The following TUBGCP4 variants were observed in gnomAD, a reference collection of about 807,000 sequenced individuals.
TUBGCP4 encodes tubulin gamma complex component 4.
Under a neutral mutation model 91.6 loss-of-function variants are expected in TUBGCP4, and 54 were observed. That is an observed-to-expected ratio of 0.59 (90% CI 0.47 to 0.74). The LOEUF (loss-of-function observed/expected upper bound fraction) is 0.74, where lower values mean the gene tolerates loss of function less well. TUBGCP4 is among the 30% of genes least tolerant of loss of function. TUBGCP4 has a pLI of 0.00. For missense variants in TUBGCP4, 593 were observed against 800.9 expected (o/e 0.74, Z 3.13); for synonymous variants, 297 against 302.8 (o/e 0.98, Z 0.20).
At position 43,376,572 on chromosome 15, in the gene TUBGCP4, CTGGA is replaced by C; in HGVS notation, c.279_282del (p.Asp94LeufsTer32). On this transcript the variant is annotated frameshift_variant, in exon 3 of 18. Coordinates refer to ENST00000564079, the MANE Select transcript of TUBGCP4 (RefSeq NM_014444.5). LOFTEE classifies it high-confidence loss of function. ...CTACCTGCGGGCCTTCTGCACAGGG[CTGGA>C]TTCTGTTTTGCAGCCTTATCGCCAA... 6.2e-7 allele frequency: 1 copy of C among 1,614,180 alleles called. No individual in the cohort carries two copies. The highest frequency in any genetic ancestry group is 8.5e-7 in the Non-Finnish European group (1 of 1,180,038).
chr15:43,401,826 T>C lies in TUBGCP4; in HGVS notation c.1707T>C (p.Ala569=). ...ACCACTTCCTGAGCAATTTGCTGGC[T>C]CAATCCTTTATCCTATTGAAACCTG... ...AHDHFLSNLL[A]QSFILLKPVF... is the part of the protein sequence containing the mutation. The change falls in exon 15 of 18, where the codon GCT becomes GCC. Residue 569 remains alanine (A), a synonymous_variant. Coordinates refer to ENST00000564079, the MANE Select transcript of TUBGCP4 (RefSeq NM_014444.5). 6.2e-7 allele frequency: 1 copy of C among 1,614,180 alleles called. No individual in the cohort carries two copies. Among genetic ancestry groups the C allele is most frequent in the Non-Finnish European group, 8.5e-7 (1 of 1,180,014 alleles).
chr15:43,395,753 C>A, intron 11 of TUBGCP4, 65 bp downstream of exon 11: 1 of 1,400,720 alleles, frequency 7.1e-7, no homozygotes, highest in Non-Finnish European at 1.0e-6. Flanking sequence ...TTGGCTGCTG[C>A]TGACCCTTTT....
chr15:43,401,248 C>T (rs541405434), intron 14 of TUBGCP4, among the ~76,000 whole-genome samples: 10 of 151,148 alleles, frequency 6.6e-5, no homozygotes, highest in African/African-American at 9.7e-5. Flanking sequence ...GTCAGGAGTT[C>T]GAGACCAACC....
chr15:43,385,763 T>C (rs2044346591), intron 7 of TUBGCP4, 28 bp from the exon 8 acceptor site: 1 of 1,612,532 alleles, frequency 6.2e-7, no homozygotes, highest in African/African-American at 1.3e-5. Flanking sequence ...TCACACTGCA[T>C]CTCGATGTGT....
In TUBGCP4 at chr15:43,400,153, G is replaced by A. The variant is rs779715542; in HGVS notation, c.1528G>A (p.Asp510Asn). ...CAAGCACCTCAAGTCGAACCAGACT[G>A]ATGCAATCAAGTGGCGCCTAAGAAA... ...QRKHLKSNQT[D>N]AIKWRLRNHM... Residue 510 changes from aspartate (D) to asparagine (N), a missense_variant, in exon 14 of 18, where the codon GAT becomes AAT. Coordinates refer to ENST00000564079, the MANE Select transcript of TUBGCP4 (RefSeq NM_014444.5). 1 of 1,614,206 alleles carries A rather than the reference G, an allele frequency of 6.2e-7. No individual in the cohort carries two copies. The highest frequency in any genetic ancestry group is 1.1e-5 in the South Asian group (1 of 91,086).
In TUBGCP4 at chr15:43,395,099, T is replaced by A. The variant is rs772596531; in HGVS notation, c.1015-8T>A. On this transcript the variant is annotated splice_polypyrimidine_tract_variant and splice_region_variant and intron_variant, in intron 9 of 17. Coordinates refer to ENST00000564079, the MANE Select transcript of TUBGCP4 (RefSeq NM_014444.5). The stretch of plus-strand genomic sequence containing the variant: ...AATTTGTCCCTGTTTTGTTGGTTGT[T>A]TTCATAGCATCTCTGGAAGTTGATG... The A allele has an allele frequency of 1.9e-6, 3 of 1,614,170 alleles. No homozygotes were observed. The highest frequency in any genetic ancestry group is 2.5e-6 in the Non-Finnish European group (3 of 1,180,018).
At position 43,407,267 on chromosome 15, in the gene TUBGCP4, A is replaced by AAAACT; in HGVS notation, c.*2055_*2059dup. The AAAACT allele has an allele frequency of 1.2e-6, 1 of 837,020 alleles. No individual in the cohort carries two copies. Among genetic ancestry groups the AAAACT allele is most frequent in the Non-Finnish European group, 1.9e-6 (1 of 533,458 alleles). 51.8% of individuals were successfully genotyped at this position (837,020 alleles called of 1,614,324 possible). ...ATTTTATCATAAAAGTTCAGCAAAT[A>AAAACT]AAACTATATACAAGATCCATGCAAG... On this transcript the variant is annotated 3_prime_UTR_variant, in exon 18 of 18. Transcript: ENST00000564079.
chr15:43,383,549 G>A, intron 7 of TUBGCP4, 45 bp downstream of exon 7: 3 of 1,508,130 alleles, frequency 2.0e-6, no homozygotes, highest in East Asian at 2.3e-5. Flanking sequence ...CCAGGAGTCA[G>A]AAAAGCATGC....
At chr15:43,397,482 GTC>G (rs2044601699) in intron 12 of TUBGCP4, among the ~76,000 whole-genome samples, 161 bp downstream of exon 12, 1 of 152,144 alleles carries the variant, frequency 6.6e-6, no homozygotes, top group Admixed American at 6.5e-5. Context: ...AAGTCCAGAA[GTC>G]CAGAGAGGCT....
intron 9 of TUBGCP4, among the ~76,000 whole-genome samples, chr15:43,388,852 G>A (rs1370405815): frequency 6.6e-6 from 1 of 152,154 alleles, no homozygotes; most frequent in Non-Finnish European, 1.5e-5. Context: ...AAAGGGGGGA[G>A]TGTTTTGTAA....
intron 10 of TUBGCP4, 25 bp downstream of exon 10, chr15:43,395,182 T>G: frequency 6.2e-7 from 1 of 1,613,496 alleles, no homozygotes; most frequent in South Asian, 1.1e-5. Flanking sequence ...GTTGTAATTC[T>G]TACGGTGATG....
chr15:43,403,812 GGAAGTATGCA>G lies in TUBGCP4; in HGVS notation c.1848+15_1848+24del. 6.3e-7 allele frequency: 1 copy of G among 1,595,440 alleles called. No homozygotes were observed. The highest frequency in any genetic ancestry group is 1.1e-5 in the South Asian group (1 of 90,694). On this transcript the variant is annotated intron_variant, in intron 16 of 17. Transcript: ENST00000564079. Reference sequence around the variant, plus strand: ...CATTCTCGTGAAGGTGCGTCTGCCTGGAAGTATGCAGCCTTGCCGAAAGGACAGAGGTGGT... The same window carrying G: ...CATTCTCGTGAAGGTGCGTCTGCCTGGCCTTGCCGAAAGGACAGAGGTGGT...
Position 43,379,769 on chromosome 15 carries a change from C to T in TUBGCP4, c.442-315C>T, listed in dbSNP as rs530817944. Among the ~76,000 whole-genome samples, 4 of 152,074 alleles carry T rather than the reference C, an allele frequency of 2.6e-5. No individual in the cohort carries two copies. The South Asian group carries it at 6.2e-4, about 24-fold the overall frequency. On this transcript the variant is annotated intron_variant, in intron 5 of 17. Transcript: ENST00000564079. ...AAAAGCTTTCCTTGGCTTTGGTGTT[C>T]CAACTCTAAATGATTCTGGTTGCTT...
chr15:43,395,575 T>C lies in TUBGCP4; in HGVS notation c.1066-8T>C. 6.2e-7 allele frequency: 1 copy of C among 1,609,064 alleles called. No homozygotes were observed. Among genetic ancestry groups the C allele is most frequent in the Non-Finnish European group, 8.5e-7 (1 of 1,175,426 alleles). ...TTACTGAATTGTAAATTGAAATTCT[T>C]TCCTCAGATCATTAAAGACTTTTAC... is the stretch of plus-strand genomic sequence containing the variant. On this transcript the variant is annotated splice_region_variant and splice_polypyrimidine_tract_variant and intron_variant, in intron 10 of 17. Coordinates refer to ENST00000564079, the MANE Select transcript of TUBGCP4 (RefSeq NM_014444.5).
Position 43,376,102 on chromosome 15 carries a change from C to G in TUBGCP4, c.83C>G (p.Ser28Trp). The G allele has an allele frequency of 2.5e-6, 4 of 1,613,858 alleles. No individual in the cohort carries two copies. Among genetic ancestry groups the G allele is most frequent in the South Asian group, 2.2e-5 (2 of 91,062 alleles). The change falls in exon 2 of 18, where the codon TCG (serine) becomes TGG (tryptophan). Residue 28 changes from serine (S) to tryptophan (W), a missense_variant. Physicochemically the swap from Ser to Trp is radical, Grantham distance 177. Coordinates refer to ENST00000564079, the MANE Select transcript of TUBGCP4 (RefSeq NM_014444.5). ...TWNKRSGLQV[S>W]QDFPFLHPSE... ...GCAGTGTTCCTCTTCCTGCAGGTAT[C>G]GCAGGACTTCCCTTTCCTCCACCCC...
intron 6 of TUBGCP4, among the ~76,000 whole-genome samples, chr15:43,381,017 G>C (rs1470322481): frequency 6.6e-6 from 1 of 151,728 alleles, no homozygotes; most frequent in East Asian, 1.9e-4. Context: ...ATGTTGCCCA[G>C]GCTGGTCTCG....
chr15:43,385,462 G>C, intron 7 of TUBGCP4: 1 of 463,170 alleles, frequency 2.2e-6, no homozygotes, highest in Non-Finnish European at 4.2e-6. Flanking sequence ...AGAAGACATA[G>C]AGAGAAGACC....
At position 43,408,987 on chromosome 15, in the gene TUBGCP4, T is replaced by C. The variant is rs1358232143; in HGVS notation, c.*3773T>C. 3.7e-6 allele frequency: 6 copies of C among 1,614,188 alleles called. No homozygotes were observed. The East Asian group carries it at 6.7e-5, about 18-fold the overall frequency. ...GAGCTGGTTGGCATGGCAACTATCA[T>C]GGACCCAGACATGAGACACACAAGG... On this transcript the variant is annotated 3_prime_UTR_variant, in exon 18 of 18. Transcript: ENST00000564079.
chr15:43,400,255 AC>A (rs1336813467), intron 14 of TUBGCP4, 34 bp downstream of exon 14: 3 of 1,590,044 alleles, frequency 1.9e-6, no homozygotes, highest in Non-Finnish European at 2.6e-6. Flanking sequence ...AGGAAGGGGT[AC>A]GGAAAAACGT....
Sources: allele counts gnomAD v4.1 joint callset (sites outside exome capture counted in the v4.1 genomes callset), GRCh38; gene constraint gnomAD v4.1.1; transcripts MANE v1.5; gene names NCBI Gene and HGNC (gene_info 2026-07-23, HGNC 2026-07-21).